SORCS1: variants seen among roughly 807,000 people sequenced by gnomAD.
SORCS1 encodes VPS10 domain-containing receptor SorCS1.
Under a neutral mutation model 146.1 loss-of-function variants are expected in SORCS1, and 60 were observed. The observed-to-expected ratio is 0.41, with a 90% CI of 0.33 to 0.51. The LOEUF is 0.51. SORCS1 is among the 20% of genes least tolerant of loss of function. SORCS1 has a pLI of 0.21. For missense variants in SORCS1, 1,352 were observed against 1,487.6 expected, an observed-to-expected ratio of 0.91 and a Z score of 1.50; for synonymous variants, 637 against 584.0, an observed-to-expected ratio of 1.09 and a Z score of -1.31.
chr10:106,683,013 C>T (rs1055881304), intron 10 of SORCS1, among the ~76,000 whole-genome samples: 3 of 152,152 alleles, frequency 2.0e-5, no homozygotes, highest in African/African-American at 7.2e-5. Context: ...GACTGTTAGT[C>T]TGTAATCTTT....
At chr10:106,766,141 T>C (rs1859552951) in intron 4 of SORCS1, among the ~76,000 whole-genome samples, 1 of 152,106 alleles carries the variant, frequency 6.6e-6, no homozygotes, top group Non-Finnish European at 1.5e-5. Context: ...GCGGAAAACA[T>C]CCTGCTGTCG....
intron 2 of SORCS1, among the ~76,000 whole-genome samples, chr10:106,885,703 C>A (rs1263891519): frequency 6.6e-6 from 1 of 152,090 alleles, no homozygotes; most frequent in Admixed American, 6.5e-5. Flanking sequence ...TGTCCCCCCC[C>A]AAATCTCATC....
upstream of SORCS1, among the ~76,000 whole-genome samples, chr10:107,165,388 A>G (rs1293934255): frequency 6.6e-6 from 1 of 151,778 alleles, no homozygotes; most frequent in Non-Finnish European, 1.5e-5. This position sits in a 1 kb window ranked among gnomAD's most constrained non-coding sequence, Gnocchi z 4.0. Context: ...CTCCTAAAGC[A>G]TTCACTGAAT....
chr10:107,095,281 C>T (rs1325933708), intron 1 of SORCS1, among the ~76,000 whole-genome samples: 2 of 152,192 alleles, frequency 1.3e-5, no homozygotes, highest in Non-Finnish European at 2.9e-5. Flanking sequence ...GGCAATCTGT[C>T]TCATCTACAG....
chr10:106,990,280 TTC>T (rs1274300128), intron 1 of SORCS1, among the ~76,000 whole-genome samples: 1 of 152,108 alleles, frequency 6.6e-6, no homozygotes, highest in Non-Finnish European at 1.5e-5. Context: ...TTTCAAATTT[TTC>T]TTTTTTTGAG....
At chr10:106,875,785 C>T (rs957180308) in intron 2 of SORCS1, among the ~76,000 whole-genome samples, 1 of 151,928 alleles carries the variant, frequency 6.6e-6, no homozygotes, top group Admixed American at 6.6e-5. Flanking sequence ...GTCATTTGCC[C>T]ACTTTTTGAT....
At chr10:107,110,240 T>C (rs928325318) in intron 1 of SORCS1, among the ~76,000 whole-genome samples, 4 of 152,210 alleles carry the variant, frequency 2.6e-5, no homozygotes, top group Admixed American at 6.5e-5. Flanking sequence ...GATTTTCAGG[T>C]ATCTTTATAG....
intron 18 of SORCS1, among the ~76,000 whole-genome samples, chr10:106,645,729 A>G (rs1181378960): frequency 2.0e-5 from 3 of 152,124 alleles, no homozygotes; most frequent in African/African-American, 7.2e-5. Context: ...TTTATTTTGC[A>G]TAATAAAAAT....
In SORCS1 at chr10:106,577,475, G is replaced by T. The variant is rs751090186; in HGVS notation, c.3452C>A (p.Ala1151Asp). 3 of 1,613,886 alleles carry T rather than the reference G, an allele frequency of 1.9e-6. No homozygotes were observed. The highest frequency in any genetic ancestry group is 4.5e-5 in the East Asian group (2 of 44,862). The change falls in exon 26 of 26, where the codon GCC (alanine) becomes GAC (aspartate). Residue 1151 changes from alanine to aspartate, a missense_variant. By Grantham distance (126) the Ala-to-Asp change is moderately radical. Transcript: ENST00000263054. ...SSLRLQRARH[A>D]TPPSTPKRGS... is the part of the protein sequence containing the mutation. ...CCGCTTTGGCGTTGAAGGCGGAGTG[G>T]CGTGTCTTGCTCTTTGCAATCGGAG...
intron 1 of SORCS1, among the ~76,000 whole-genome samples, chr10:107,071,704 AAGAC>A (rs1466579828): frequency 6.6e-6 from 1 of 152,218 alleles, no homozygotes; most frequent in Non-Finnish European, 1.5e-5. Flanking sequence ...ACTACTAACA[AAGAC>A]AGGTCCTAAC....
intron 2 of SORCS1, among the ~76,000 whole-genome samples, chr10:106,867,568 C>A (rs1373075464): frequency 6.6e-6 from 1 of 152,156 alleles, no homozygotes; most frequent in Non-Finnish European, 1.5e-5. Flanking sequence ...CAGGCGTGAG[C>A]CACCGCACCC....
At chr10:106,600,690 G>A in intron 23 of SORCS1, 1 of 985,444 alleles carries the variant, frequency 1.0e-6, no homozygotes, top group Non-Finnish European at 1.2e-6. Flanking sequence ...TTAGGTGTCA[G>A]TGCTGGCATC....
intron 5 of SORCS1, among the ~76,000 whole-genome samples, chr10:106,748,211 C>G (rs1209926797): frequency 6.6e-6 from 1 of 152,124 alleles, no homozygotes; most frequent in African/African-American, 2.4e-5. Flanking sequence ...CTTCATGCAG[C>G]AATTCTATCA....
Position 106,850,541 on chromosome 10 carries a change from G to T in SORCS1, c.627-20868C>A, listed in dbSNP as rs555648699. Reference sequence around the variant, plus strand: ...TCAGATGGAAATGCAGAAATCACCCGTCTTCTGCGTTGCTCACGCTGGGAG... The same window carrying T: ...TCAGATGGAAATGCAGAAATCACCCTTCTTCTGCGTTGCTCACGCTGGGAG... On this transcript the variant is annotated intron_variant, in intron 2 of 25. Coordinates refer to ENST00000263054, the MANE Select transcript of SORCS1 (RefSeq NM_052918.5). Among the ~76,000 whole-genome samples, 483 of 152,210 alleles carry T rather than the reference G, an allele frequency of 3.2e-3. 3 individuals carry two copies. The highest frequency in any genetic ancestry group is 0.011 in the African/African-American group (462 of 41,540).
chr10:106,586,822 G>GC (rs1845266897), intron 24 of SORCS1, among the ~76,000 whole-genome samples: 2 of 152,104 alleles, frequency 1.3e-5, no homozygotes, highest in Non-Finnish European at 2.9e-5. Flanking sequence ...TGGATGTGGT[G>GC]GTGCGTGCCT....
Position 106,805,637 on chromosome 10 carries a change from T to C in SORCS1, c.726+23937A>G, listed in dbSNP as rs563870563. Among the ~76,000 whole-genome samples, 4 of 152,332 alleles carry C rather than the reference T, an allele frequency of 2.6e-5. No individual in the cohort carries two copies. The South Asian group carries it at 6.2e-4, about 24-fold the overall frequency. On this transcript the variant is annotated intron_variant, in intron 3 of 25. Coordinates refer to ENST00000263054, the MANE Select transcript of SORCS1 (RefSeq NM_052918.5). ...TGCCTGTTGACTCACTTGCCATCTA[T>C]AGCTTCCAATACTAGTTCATGCCAT...
chr10:106,793,373 T>C (rs1946407288), intron 3 of SORCS1, among the ~76,000 whole-genome samples: 1 of 152,190 alleles, frequency 6.6e-6, no homozygotes, highest in Non-Finnish European at 1.5e-5. Context: ...TGGCTAAAGT[T>C]AGGCAAAGCA....
chr10:106,814,462 A>G (rs370998709), intron 3 of SORCS1, among the ~76,000 whole-genome samples: 18 of 152,340 alleles, frequency 1.2e-4, no homozygotes, highest in African/African-American at 4.3e-4. Flanking sequence ...TCGGGGTTCT[A>G]GTTAAAGGCA....
chr10:106,626,352 A>G (rs546172844), intron 19 of SORCS1, among the ~76,000 whole-genome samples: 42 of 152,250 alleles, frequency 2.8e-4, no homozygotes, highest in African/African-American at 9.6e-4. Flanking sequence ...ATGTGCATCT[A>G]CTTGACAGAG....
Sources: allele counts gnomAD v4.1 joint callset (sites outside exome capture counted in the v4.1 genomes callset), GRCh38; gene constraint gnomAD v4.1.1; non-coding constraint Gnocchi (gnomAD v3.1); transcripts MANE v1.5; gene names NCBI Gene and HGNC (gene_info 2026-07-23, HGNC 2026-07-21).